The following LGMN variants were observed in gnomAD, a reference collection of about 807,000 sequenced individuals.
LGMN encodes the protein legumain.
In LGMN, 36 loss-of-function variants were observed where a neutral mutation model predicts 56.8. That is an observed-to-expected ratio of 0.63 (90% CI 0.49 to 0.84). The LOEUF is 0.84. Among genes scored for constraint, LGMN ranks in the 40% least tolerant of loss-of-function variants. LGMN has a pLI of 0.00. For synonymous variants in LGMN, 199 were observed against 210.1 expected (o/e 0.95, Z 0.46); for missense variants, 446 against 556.1 (o/e 0.80, Z 1.99).
chr14:92,711,593 A>G (rs1889772229), intron 10 of LGMN, 66 bp downstream of exon 10: 1 of 1,373,528 alleles, frequency 7.3e-7, no homozygotes, highest in Admixed American at 1.7e-5. Context: ...CAAGAGATCA[A>G]TATTCCAGGC....
Position 92,704,676 on chromosome 14 carries a change from A to G in LGMN, c.1223T>C (p.Leu408Pro). 2 of 1,613,756 alleles carry G rather than the reference A, an allele frequency of 1.2e-6. No individual in the cohort carries two copies. The highest frequency in any genetic ancestry group is 1.7e-6 in the Non-Finnish European group (2 of 1,179,600). Residue 408 changes from leucine (L) to proline (P), a missense_variant, in exon 13 of 14, where the codon CTG (leucine) becomes CCG (proline). Transcript: ENST00000334869. ...YEYALRHLYVLVNLCEKPYPL... is the reference protein window; with the variant it reads ...YEYALRHLYVPVNLCEKPYPL... Reference sequence around the variant, plus strand: ...ATACGGCTTCTCACAAAGGTTGACCAGCACGTACAAATGTCTCAACGCATA... The same window carrying G: ...ATACGGCTTCTCACAAAGGTTGACCGGCACGTACAAATGTCTCAACGCATA...
At chr14:92,740,306 A>G (rs1011757422) in intron 1 of LGMN, among the ~76,000 whole-genome samples, 5 of 152,212 alleles carry the variant, frequency 3.3e-5, no homozygotes, top group African/African-American at 1.2e-4. Flanking sequence ...GCGGAGTGGC[A>G]CAGAGTGGCA....
chr14:92,722,498 C>T (rs1890526921), intron 2 of LGMN, among the ~76,000 whole-genome samples: 1 of 152,038 alleles, frequency 6.6e-6, no homozygotes, highest in South Asian at 2.1e-4. Context: ...CAGGAGAAAT[C>T]ACTTGAACCC....
intron 1 of LGMN, among the ~76,000 whole-genome samples, chr14:92,733,027 T>C (rs528565855): frequency 4.0e-5 from 6 of 151,404 alleles, no homozygotes; most frequent in Middle Eastern, 3.4e-3. Flanking sequence ...CACGTACCTA[T>C]AATCCCAGCT....
intron 2 of LGMN, among the ~76,000 whole-genome samples, chr14:92,727,820 A>G (rs192172961): frequency 9.7e-4 from 148 of 152,096 alleles, no homozygotes; most frequent in Non-Finnish European, 1.7e-3. Flanking sequence ...CCTACCCTAA[A>G]AGGCTGGGGG....
chr14:92,709,832 T>C lies in LGMN; in HGVS notation c.860A>G (p.Lys287Arg), dbSNP rs1451118509. ...TMKVMQFQGM[K>R]RKASSPVPLP... ...GGGGACGGGAGAACTGGCTTTGCGTTTCATACCCTGAAACTGCATCACTTT... is the reference window on the plus strand; with the variant it reads ...GGGGACGGGAGAACTGGCTTTGCGTCTCATACCCTGAAACTGCATCACTTT... Residue 287 changes from lysine (K) to arginine (R), a missense_variant, in exon 11 of 14, where the codon AAA (lysine) becomes AGA (arginine). Physicochemically the swap from Lys to Arg is conservative, Grantham distance 26. Coordinates refer to ENST00000334869, the MANE Select transcript of LGMN (RefSeq NM_005606.7). The C allele has an allele frequency of 1.2e-6, 2 of 1,612,784 alleles. No individual in the cohort carries two copies. Among genetic ancestry groups the C allele is most frequent in the African/African-American group, 2.7e-5 (2 of 74,882 alleles).
At chr14:92,731,349 C>A (rs905140897) in intron 2 of LGMN, among the ~76,000 whole-genome samples, 3 of 152,198 alleles carry the variant, frequency 2.0e-5, no homozygotes, top group Admixed American at 2.0e-4. Flanking sequence ...CTAAAACAGA[C>A]GATTCAGTGG....
rs1375035370 is a variant in LGMN at position 92,714,957 on chromosome 14, AT to A, written c.405-507del. Among the ~76,000 whole-genome samples the A allele has an allele frequency of 5.9e-5, 9 of 151,296 alleles. No homozygotes were observed. Among genetic ancestry groups the A allele is most frequent in the African/African-American group, 1.9e-4 (8 of 41,048 alleles). Reference sequence around the variant, plus strand: ...AGATGTAGTAACTTACATGAAGCCAATTTGGTTCACCCTCACAGATGTCCAT... The same window carrying A: ...AGATGTAGTAACTTACATGAAGCCAATTGGTTCACCCTCACAGATGTCCAT... On this transcript the variant is annotated intron_variant, in intron 5 of 13. Coordinates refer to ENST00000334869, the MANE Select transcript of LGMN (RefSeq NM_005606.7). The surrounding 1 kb of genome is among the most constrained non-coding windows in gnomAD (Gnocchi z 5.1).
chr14:92,740,864 G>C (rs1196120520), intron 1 of LGMN, among the ~76,000 whole-genome samples: 1 of 152,144 alleles, frequency 6.6e-6, no homozygotes, highest in Non-Finnish European at 1.5e-5. Context: ...AGGTTACAGG[G>C]CTATACCAGG....
chr14:92,729,270 C>A (rs1890907811), intron 2 of LGMN, among the ~76,000 whole-genome samples: 1 of 151,678 alleles, frequency 6.6e-6, no homozygotes, highest in South Asian at 2.1e-4. Flanking sequence ...GCTGGCCACA[C>A]CCTCACACCT....
intron 1 of LGMN, among the ~76,000 whole-genome samples, chr14:92,739,884 T>C (rs1239280190): frequency 6.6e-6 from 1 of 152,176 alleles, no homozygotes; most frequent in Non-Finnish European, 1.5e-5. Flanking sequence ...TTGGGACACA[T>C]GCATCGTCTG....
At chr14:92,704,489 G>A (rs1889320780) in intron 13 of LGMN, 128 bp from the exon 14 acceptor site, 2 of 1,049,234 alleles carry the variant, frequency 1.9e-6, no homozygotes, top group South Asian at 2.7e-5. Flanking sequence ...CTGAGAACGT[G>A]GCTTCTGGAC....
At chr14:92,742,291 GCTTTTTTTTTTTTT>G (rs1891593402) in intron 1 of LGMN, among the ~76,000 whole-genome samples, 1 of 127,470 alleles carries the variant, frequency 7.8e-6, no homozygotes, top group Non-Finnish European at 1.6e-5. Flanking sequence ...TTTTTGTTTT[GCTTTTTTTTTTTTT>G]CTTTTTTTTT....
chr14:92,739,576 A>G (rs1168357363), intron 1 of LGMN, among the ~76,000 whole-genome samples: 1 of 152,208 alleles, frequency 6.6e-6, no homozygotes, highest in Non-Finnish European at 1.5e-5. Context: ...TCCAGAGAGA[A>G]GAGACAGACC....
At chr14:92,711,357 G>T (rs557967622) in intron 10 of LGMN, among the ~76,000 whole-genome samples, 1 of 152,164 alleles carries the variant, frequency 6.6e-6, no homozygotes, top group African/African-American at 2.4e-5. Flanking sequence ...CATAAGTAAC[G>T]CATAGCCCTC....
chr14:92,738,247 T>C (rs917715938), intron 1 of LGMN, among the ~76,000 whole-genome samples: 1 of 151,748 alleles, frequency 6.6e-6, no homozygotes, highest in Non-Finnish European at 1.5e-5. Flanking sequence ...GTGAGAAAAG[T>C]GCCCTACTGA....
Position 92,711,640 on chromosome 14 carries a change from C to G in LGMN, c.819+19G>C, listed in dbSNP as rs377163375. On this transcript the variant is annotated intron_variant, in intron 10 of 13. Transcript: ENST00000334869. ...GGACACAAGGAACAGAGGGCCAGCA[C>G]GCGAGGCTCCCGACTCACTTTGTTT... 1 of 1,609,234 alleles carries G rather than the reference C, an allele frequency of 6.2e-7. No individual in the cohort carries two copies. Among genetic ancestry groups the G allele is most frequent in the Admixed American group, 1.7e-5 (1 of 60,022 alleles).
At chr14:92,727,749 C>T (rs562115114) in intron 2 of LGMN, among the ~76,000 whole-genome samples, 10 of 152,084 alleles carry the variant, frequency 6.6e-5, no homozygotes, top group African/African-American at 1.7e-4. Flanking sequence ...GACCCAAACC[C>T]GGCAACTGGA....
chr14:92,706,629 C>A lies in LGMN; in HGVS notation c.1045G>T (p.Val349Leu). The change falls in exon 12 of 14, where the codon GTG (valine) becomes TTG (leucine). Residue 349 changes from valine to leucine, a missense_variant. Coordinates refer to ENST00000334869, the MANE Select transcript of LGMN (RefSeq NM_005606.7). ...GCCAGCAAGGAGACGATCTTACGCA[C>A]TGACTTCTCAATGAGGTGCCTGGCC... Reference protein sequence around the residue: ...LDARHLIEKSVRKIVSLLAAS... With the variant: ...LDARHLIEKSLRKIVSLLAAS... The A allele has an allele frequency of 6.3e-7, 1 of 1,593,582 alleles. No individual in the cohort carries two copies. Among genetic ancestry groups the A allele is most frequent in the Non-Finnish European group, 8.6e-7 (1 of 1,163,786 alleles).
Sources: gnomAD v4.1 joint callset for allele counts (sites outside exome capture counted in the v4.1 genomes callset) on GRCh38, gnomAD v4.1.1 for gene constraint, Gnocchi (gnomAD v3.1) non-coding constraint, MANE v1.5 for transcripts, NCBI Gene and HGNC (gene_info 2026-07-23, HGNC 2026-07-21) for gene names.